The following TULP3 variants were observed in gnomAD, a reference collection of about 807,000 sequenced individuals.
The protein encoded by TULP3 is tubby-related protein 3.
Under a neutral mutation model 50.7 loss-of-function variants are expected in TULP3, and 38 were observed. The ratio of observed to expected loss-of-function variants is 0.75; its 90% confidence interval spans 0.58 to 0.98. The LOEUF is 0.98. Among genes scored for constraint, TULP3 ranks in the 50% least tolerant of loss-of-function variants. The pLI is 0.00. For synonymous variants in TULP3, 183 were observed against 196.6 expected (o/e 0.93, Z 0.58); for missense variants, 550 against 568.0 (o/e 0.97, Z 0.32).
chr12:2,916,710 A>G (rs776656086), intron 2 of TULP3, among the ~76,000 whole-genome samples: 11 of 152,224 alleles, frequency 7.2e-5, no homozygotes, highest in Non-Finnish European at 1.6e-4. Context: ...TGTTACATTC[A>G]AACACAAGTA....
chr12:2,902,196 C>T (rs183552217), intron 1 of TULP3, among the ~76,000 whole-genome samples: 1 of 152,280 alleles, frequency 6.6e-6, no homozygotes, highest in East Asian at 1.9e-4. Context: ...AAGTTGTCCT[C>T]TTTATCACTG....
chr12:2,914,998 T>C (rs1197516691), intron 2 of TULP3, among the ~76,000 whole-genome samples: 1 of 147,532 alleles, frequency 6.8e-6, no homozygotes, highest in African/African-American at 2.5e-5. Context: ...TTTTCTTTTC[T>C]TTTTTTTGAG....
Position 2,940,277 on chromosome 12 carries a change from T to G in TULP3, c.*833T>G, listed in dbSNP as rs1489418652. The G allele has an allele frequency of 3.3e-5, 46 of 1,413,584 alleles. No homozygotes were observed. Among genetic ancestry groups the G allele is most frequent in the African/African-American group, 1.4e-5 (1 of 70,058 alleles). The allele number at this position is 1,413,584 out of a possible 1,614,324, so 87.6% of individuals were successfully genotyped here. A position where few individuals can be genotyped will look rare whatever the true frequency, so the allele number is the denominator to read the frequency against. The stretch of plus-strand genomic sequence containing the variant: ...CTGTAGGCATCCTGTGCAAACACTT[T>G]GTCATTATCAAGAGAGATGGCAGTA... On this transcript the variant is annotated 3_prime_UTR_variant, in exon 11 of 11. Coordinates refer to ENST00000448120, the MANE Select transcript of TULP3 (RefSeq NM_003324.5).
Position 2,931,188 on chromosome 12 carries a change from G to T in TULP3, c.644G>T (p.Arg215Leu). Residue 215 changes from arginine to leucine, a missense_variant, in exon 6 of 11, where the codon CGG becomes CTG. Coordinates refer to ENST00000448120, the MANE Select transcript of TULP3 (RefSeq NM_003324.5). ...ATCCGGGATAAAAGGGGAATGGATC[G>T]GGGTCTCTTCCCCACCTACTATATG... Reference protein sequence around the residue: ...RIIRDKRGMDRGLFPTYYMYL... With the variant: ...RIIRDKRGMDLGLFPTYYMYL... The T allele has an allele frequency of 6.2e-7, 1 of 1,614,168 alleles. No homozygotes were observed. The highest frequency in any genetic ancestry group is 8.5e-7 in the Non-Finnish European group (1 of 1,180,028).
At chr12:2,912,893 C>T (rs7979619) in intron 2 of TULP3, among the ~76,000 whole-genome samples, 20 of 152,084 alleles carry the variant, frequency 1.3e-4, no homozygotes, top group Non-Finnish European at 2.2e-4. Context: ...GAAGGAGATT[C>T]GCATGTGCCC....
chr12:2,919,007 C>T (rs1465330021), intron 2 of TULP3, among the ~76,000 whole-genome samples: 1 of 152,130 alleles, frequency 6.6e-6, no homozygotes, highest in Admixed American at 6.5e-5. Context: ...ATTCTCCTGC[C>T]TCAGCCTCCT....
At chr12:2,936,373 A>G (rs145456732) in intron 8 of TULP3, among the ~76,000 whole-genome samples, 5 of 152,116 alleles carry the variant, frequency 3.3e-5, no homozygotes, top group Admixed American at 6.6e-5. Context: ...ATATAGTGCT[A>G]TGCCCTCACT....
intron 2 of TULP3, among the ~76,000 whole-genome samples, chr12:2,919,288 AAT>A (rs2098190416): frequency 6.6e-6 from 1 of 152,172 alleles, no homozygotes; most frequent in Admixed American, 6.6e-5. Context: ...TATTCATGGT[AAT>A]TCATGAAATC....
chr12:2,913,958 G>A (rs1260872876), intron 2 of TULP3, among the ~76,000 whole-genome samples: 1 of 151,982 alleles, frequency 6.6e-6, no homozygotes, highest in Non-Finnish European at 1.5e-5. Context: ...CATATTTATG[G>A]GGTACACATG....
intron 1 of TULP3, among the ~76,000 whole-genome samples, chr12:2,907,812 A>G (rs960337150): frequency 6.6e-6 from 1 of 152,172 alleles, no homozygotes; most frequent in Non-Finnish European, 1.5e-5. Context: ...CATTAAAGAA[A>G]CATAGGAACA....
rs879168932 is a variant in TULP3, at chr12:2,909,526, C to T, written c.42-3C>T. 2.9e-5 allele frequency: 45 copies of T among 1,557,026 alleles called. No homozygotes were observed. The South Asian group carries it at 4.8e-4, about 17-fold the overall frequency. On this transcript the variant is annotated splice_polypyrimidine_tract_variant and splice_region_variant and intron_variant, in intron 1 of 10. Coordinates refer to ENST00000448120, the MANE Select transcript of TULP3 (RefSeq NM_003324.5). ...CTTGCTTTATTTTTTTTTTTTTTAA[C>T]AGTGTCTTCCATGAAGAAATGATGA...
At chr12:2,926,747 A>ACT in intron 4 of TULP3, among the ~76,000 whole-genome samples, 1 of 131,070 alleles carries the variant, frequency 7.6e-6, no homozygotes, top group Non-Finnish European at 1.6e-5. Flanking sequence ...CTAAAAATTC[A>ACT]AAAAAAAGTA....
At chr12:2,894,769 G>A (rs543529541) in intron 1 of TULP3, among the ~76,000 whole-genome samples, 4 of 151,608 alleles carry the variant, frequency 2.6e-5, no homozygotes, top group East Asian at 2.0e-4. Flanking sequence ...TGGTGTGTGC[G>A]TATAGTCCCA....
chr12:2,923,056 G>C (rs188483062), intron 4 of TULP3, among the ~76,000 whole-genome samples: 7 of 151,624 alleles, frequency 4.6e-5, no homozygotes, highest in African/African-American at 1.7e-4. Flanking sequence ...GGGGTTTCAC[G>C]GTGTTAGCCA....
Position 2,939,902 on chromosome 12 carries a change from AG to A in TULP3, c.*461del. 1 of 1,246,564 alleles carries A rather than the reference AG, an allele frequency of 8.0e-7. No individual in the cohort carries two copies. Among genetic ancestry groups the A allele is most frequent in the Non-Finnish European group, 1.0e-6 (1 of 964,084 alleles). 77.2% of individuals were successfully genotyped at this position (1,246,564 alleles called of 1,614,324 possible). A position where few individuals can be genotyped will look rare whatever the true frequency, so the allele number is the denominator to read the frequency against. Reference sequence around the variant, plus strand: ...ATGGGTGAGAGATGATTTAAAGCACAGGGAGATTCTTGTCACATTGGGGTCT... The same window carrying A: ...ATGGGTGAGAGATGATTTAAAGCACAGGAGATTCTTGTCACATTGGGGTCT... On this transcript the variant is annotated 3_prime_UTR_variant, in exon 11 of 11. Transcript: ENST00000448120. This position sits in a 1 kb window ranked among gnomAD's most constrained non-coding sequence, Gnocchi z 4.0.
rs757488213 is a variant in TULP3 at position 2,934,508 on chromosome 12, C to A, written c.871C>A (p.Arg291=). The change falls in exon 8 of 11, where the codon CGG becomes AGG. Residue 291 remains arginine, a synonymous_variant. Coordinates refer to ENST00000448120, the MANE Select transcript of TULP3 (RefSeq NM_003324.5). Reference sequence around the variant, plus strand: ...CCGTGGCATCTGCCCCATGAAGGGCCGGGGTTTGGTAGGAGCGGCCCACAC... The same window carrying A: ...CCGTGGCATCTGCCCCATGAAGGGCAGGGGTTTGGTAGGAGCGGCCCACAC... ...YDRGICPMKG[R]GLVGAAHTRQ... 1 of 1,604,852 alleles carries A rather than the reference C, an allele frequency of 6.2e-7. No homozygotes were observed.
chr12:2,937,881 A>G, intron 9 of TULP3, 152 bp downstream of exon 9: 1 of 863,880 alleles, frequency 1.2e-6, no homozygotes, highest in East Asian at 2.7e-5. Flanking sequence ...CTGCCCCTCC[A>G]AAACCTCAGG....
chr12:2,928,360 G>A (rs1168979107), intron 4 of TULP3, among the ~76,000 whole-genome samples: 1 of 151,858 alleles, frequency 6.6e-6, no homozygotes, highest in Non-Finnish European at 1.5e-5. Flanking sequence ...GAGAAACCCC[G>A]TCTCTACTAA....
chr12:2,933,689 A>T (rs2098199549), intron 7 of TULP3, among the ~76,000 whole-genome samples, 159 bp downstream of exon 7: 1 of 152,012 alleles, frequency 6.6e-6, no homozygotes, highest in Non-Finnish European at 1.5e-5. Context: ...AGTGGCTCAC[A>T]CCTGTAATCC....
Sources: gnomAD v4.1 joint callset for allele counts (sites outside exome capture counted in the v4.1 genomes callset) on GRCh38, gnomAD v4.1.1 for gene constraint, Gnocchi (gnomAD v3.1) non-coding constraint, MANE v1.5 for transcripts, NCBI Gene and HGNC (gene_info 2026-07-23, HGNC 2026-07-21) for gene names.